Variants in DSC1 observed in about 807,000 individuals in gnomAD.
The protein encoded by DSC1 is desmocollin-1.
Under a neutral mutation model 98.8 loss-of-function variants are expected in DSC1, and 79 were observed. The observed-to-expected ratio is 0.80, with a 90% CI of 0.67 to 0.96. The LOEUF is 0.96. DSC1 is among the 50% of genes least tolerant of loss of function. The pLI, the probability that DSC1 is intolerant of heterozygous loss-of-function variation, is 0.00. For synonymous variants in DSC1, 405 were observed against 372.1 expected (o/e 1.09, Z -1.02); for missense variants, 1,115 against 1,075.9 (o/e 1.04, Z -0.51).
At chr18:31,154,729 C>T in intron 5 of DSC1, 45 bp downstream of exon 5, 1 of 1,442,556 alleles carries the variant, frequency 6.9e-7, no homozygotes, top group Non-Finnish European at 9.3e-7. Context: ...ATTAGTAAGC[C>T]AGTAATAAAG....
chr18:31,131,722 A>T lies in DSC1; in HGVS notation c.2359T>A (p.Tyr787Asn). The T allele has an allele frequency of 1.2e-6, 2 of 1,614,128 alleles. No homozygotes were observed. Among genetic ancestry groups the T allele is most frequent in the Non-Finnish European group, 1.7e-6 (2 of 1,179,990 alleles). ...QQSFEMVKGG[Y>N]TLDSNKGGGH... ...CCTCCTTTGTTGGAATCCAAAGTGT[A>T]GCCTCCTTTGACCATCTCAAAACTT... Residue 787 changes from tyrosine (Y) to asparagine (N), a missense_variant, in exon 15 of 16, where the codon TAC (tyrosine) becomes AAC (asparagine). Physicochemically the swap from Tyr to Asn is moderately radical, Grantham distance 143. Transcript: ENST00000257198.
intron 2 of DSC1, among the ~76,000 whole-genome samples, chr18:31,159,047 G>GTTTTTTTGTTTT (rs1555646389): frequency 7.0e-5 from 5 of 71,098 alleles, no homozygotes; most frequent in African/African-American, 2.3e-4. Context: ...CTACTATGTG[G>GTTTTTTTGTTTT]TTTTTTTTTT....
intron 5 of DSC1, among the ~76,000 whole-genome samples, chr18:31,151,051 C>T (rs889986175): frequency 2.6e-5 from 4 of 152,196 alleles, no homozygotes; most frequent in Non-Finnish European, 5.9e-5. Flanking sequence ...ATTAACAAGT[C>T]TCCTTATCCA....
chr18:31,131,998 G>T, intron 14 of DSC1, 156 bp from the exon 15 acceptor site: 1 of 859,870 alleles, frequency 1.2e-6, no homozygotes, highest in Non-Finnish European at 1.7e-6. Context: ...GTGATGGGTT[G>T]AATTGAGTCC....
chr18:31,153,155 C>T (rs1393397206), intron 5 of DSC1, among the ~76,000 whole-genome samples: 1 of 151,986 alleles, frequency 6.6e-6, no homozygotes, highest in East Asian at 1.9e-4. Flanking sequence ...GCAATGATCA[C>T]AGTAAGAAGC....
intron 5 of DSC1, 116 bp downstream of exon 5, chr18:31,154,658 A>G (rs921895149): frequency 2.0e-6 from 2 of 976,896 alleles, no homozygotes; most frequent in Non-Finnish European, 1.4e-6. Context: ...GCATATTAAT[A>G]TCTTGAATAT....
rs142492587 is a variant in DSC1, at chr18:31,158,907, C to T, written c.148+538G>A. 5.4e-3 allele frequency among the ~76,000 whole-genome samples: 824 copies of T among 152,046 alleles called. 9 individuals are homozygous for T. Among genetic ancestry groups the T allele is most frequent in the African/African-American group, 0.019 (784 of 41,470 alleles). ...TTGACGTAATCCAAGATAATTGAGC[C>T]TTCTGATGTTTGCTAATTTTTTTGG... On this transcript the variant is annotated intron_variant, in intron 2 of 15. Transcript: ENST00000257198.
rs531496530 is a variant in DSC1 at position 31,140,185 on chromosome 18, G to T, written c.1377C>A (p.Thr459=). 2 of 1,613,924 alleles carry T rather than the reference G, an allele frequency of 1.2e-6. No individual in the cohort carries two copies. Among genetic ancestry groups the T allele is most frequent in the South Asian group, 1.1e-5 (1 of 91,070 alleles). Residue 459 remains threonine (T), a synonymous_variant, in exon 10 of 16, where the codon ACC becomes ACA. Transcript: ENST00000257198. ...CCTCATCACTGTCTATAATTTTAACGGTGACAGTTGTAGTGCACATTGTAG... is the reference window on the plus strand; with the variant it reads ...CCTCATCACTGTCTATAATTTTAACTGTGACAGTTGTAGTGCACATTGTAG... The part of the protein sequence containing the change: ...QTPTMCTTTV[T]VKIIDSDEGP...
intron 14 of DSC1, 130 bp from the exon 15 acceptor site, chr18:31,131,972 T>G (rs1471175023): frequency 1.8e-6 from 2 of 1,090,868 alleles, no homozygotes; most frequent in Admixed American, 2.4e-5. Flanking sequence ...AAAATCAGAA[T>G]AATAGTATCA....
At chr18:31,152,509 C>A (rs927024588) in intron 5 of DSC1, among the ~76,000 whole-genome samples, 16 of 152,076 alleles carry the variant, frequency 1.1e-4, no homozygotes. Flanking sequence ...CATGAAAATT[C>A]CCAGGTTTAA....
rs192639873 is a variant in DSC1, at chr18:31,160,937, C to T, written c.64-1408G>A. Among the ~76,000 whole-genome samples, 83 of 152,018 alleles carry T rather than the reference C, an allele frequency of 5.5e-4. 2 individuals carry two copies. The highest frequency in any genetic ancestry group is 1.2e-4 in the Non-Finnish European group (8 of 67,940). On this transcript the variant is annotated intron_variant, in intron 1 of 15. Coordinates refer to ENST00000257198, the MANE Select transcript of DSC1 (RefSeq NM_024421.2). ...ATTGCTTACATTCTAAGAAATGCAA[C>T]GTTAGGTGATTTCATCCTTGTGCAG...
In DSC1 at chr18:31,162,527, C is replaced by T; in HGVS notation, c.63+5G>A. The T allele has an allele frequency of 1.2e-6, 2 of 1,613,944 alleles. No individual in the cohort carries two copies. Among genetic ancestry groups the T allele is most frequent in the Non-Finnish European group, 8.5e-7 (1 of 1,179,868 alleles). ...GAATTCCCTAATCCTTTGGTTGTTA[C>T]TCACCAGGAGAGAGAAAAGGAGCTG... is the stretch of plus-strand genomic sequence containing the variant. On this transcript the variant is annotated splice_donor_5th_base_variant and intron_variant, in intron 1 of 15. Transcript: ENST00000257198.
In DSC1 at chr18:31,140,248, G is replaced by A. The variant is rs775429611; in HGVS notation, c.1314C>T (p.Asn438=). 83 of 1,613,824 alleles carry A rather than the reference G, an allele frequency of 5.1e-5. No individual in the cohort carries two copies. The highest frequency in any genetic ancestry group is 9.3e-5 in the African/African-American group (7 of 74,892). The part of the protein sequence containing the change: ...RQVILQVGVI[N]EAQFSKAASS... The stretch of plus-strand genomic sequence containing the variant: ...TCGCTGCTTTAGAGAATTGTGCCTC[G>A]TTAATGACACCAACTTGCAAAATAA... The change falls in exon 10 of 16, where the codon AAC becomes AAT. Residue 438 remains asparagine, a synonymous_variant. Coordinates refer to ENST00000257198, the MANE Select transcript of DSC1 (RefSeq NM_024421.2).
intron 4 of DSC1, 130 bp downstream of exon 4, chr18:31,155,913 T>A: frequency 1.0e-6 from 1 of 955,676 alleles, no homozygotes. Context: ...ACCCTAGTTC[T>A]GGTGAATAGA....
At chr18:31,135,218 T>C (rs1988585255) in intron 11 of DSC1, among the ~76,000 whole-genome samples, 4 of 152,150 alleles carry the variant, frequency 2.6e-5, no homozygotes, top group Non-Finnish European at 5.9e-5. Flanking sequence ...CACTAAGTGT[T>C]CCCCTTCCTG....
At chr18:31,133,533 C>T (rs1988540393) in intron 13 of DSC1, among the ~76,000 whole-genome samples, 1 of 152,068 alleles carries the variant, frequency 6.6e-6, no homozygotes, top group South Asian at 2.1e-4. Context: ...GTATTCCCTA[C>T]ATAAACATGG....
intron 4 of DSC1, 35 bp downstream of exon 4, chr18:31,156,008 T>G (rs745627816): frequency 6.9e-6 from 11 of 1,599,802 alleles, no homozygotes; most frequent in Non-Finnish European, 4.3e-6. Context: ...AAAAAAAAAT[T>G]TGGACACATA....
chr18:31,133,672 A>G (rs889448965), intron 13 of DSC1, among the ~76,000 whole-genome samples: 1 of 152,116 alleles, frequency 6.6e-6, no homozygotes, highest in Non-Finnish European at 1.5e-5. Context: ...ACAGATAATT[A>G]TTGAAGAACT....
chr18:31,142,278 G>T, intron 8 of DSC1, 94 bp from the exon 9 acceptor site: 1 of 1,374,708 alleles, frequency 7.3e-7, no homozygotes, highest in South Asian at 1.4e-5. Flanking sequence ...AATAAATAAA[G>T]TGATGTGAAA....
Sources: allele counts gnomAD v4.1 joint callset (sites outside exome capture counted in the v4.1 genomes callset), GRCh38; gene constraint gnomAD v4.1.1; transcripts MANE v1.5; gene names NCBI Gene and HGNC (gene_info 2026-07-23, HGNC 2026-07-21).